Variants in CAMK2B observed in about 807,000 individuals in gnomAD.
CAMK2B encodes the protein calcium/calmodulin-dependent protein kinase type II subunit beta.
In CAMK2B, 27 loss-of-function variants were observed where a neutral mutation model predicts 93.7. The observed-to-expected ratio is 0.29, with a 90% CI of 0.21 to 0.40. The LOEUF (loss-of-function observed/expected upper bound fraction) is 0.40. Among genes scored for constraint, CAMK2B ranks in the 10% least tolerant of loss-of-function variants. The pLI, the probability that CAMK2B is intolerant of heterozygous loss-of-function variation, is 1.00. For synonymous variants in CAMK2B, 374 were observed against 358.8 expected (o/e 1.04, Z -0.48); for missense variants, 568 against 895.8 (o/e 0.63, Z 4.67).
At chr7:44,293,066 G>A (rs868183145) in intron 1 of CAMK2B, among the ~76,000 whole-genome samples, 1 of 152,076 alleles carries the variant, frequency 6.6e-6, no homozygotes, top group Non-Finnish European at 1.5e-5. Context: ...GCCCCCTTTG[G>A]TCTCCTGGGG....
At chr7:44,283,186 C>G (rs1784177286) in intron 2 of CAMK2B, among the ~76,000 whole-genome samples, 1 of 152,266 alleles carries the variant, frequency 6.6e-6, no homozygotes, top group African/African-American at 2.4e-5. Flanking sequence ...CTCCTCAGAT[C>G]TGTGCTCCAA....
rs182506647 is a variant in CAMK2B at position 44,322,038 on chromosome 7, C to T, written c.65+3319G>A. Among the ~76,000 whole-genome samples, 427 of 152,336 alleles carry T rather than the reference C, an allele frequency of 2.8e-3. 3 individuals are homozygous for T. The highest frequency in any genetic ancestry group is 3.4e-3 in the Middle Eastern group (1 of 294). On this transcript the variant is annotated intron_variant, in intron 1 of 23. Coordinates refer to ENST00000395749, the MANE Select transcript of CAMK2B (RefSeq NM_001220.5). Reference sequence around the variant, plus strand: ...CCCCAGACGCATTCAGGGCCCGGGCCGTGACGGTGCTGGCCACAGTGTGCT... The same window carrying T: ...CCCCAGACGCATTCAGGGCCCGGGCTGTGACGGTGCTGGCCACAGTGTGCT...
intron 1 of CAMK2B, among the ~76,000 whole-genome samples, chr7:44,306,828 T>C (rs923617750): frequency 1.5e-4 from 15 of 98,304 alleles, no homozygotes; most frequent in Non-Finnish European, 2.8e-4. Flanking sequence ...GGTAGGAGAG[T>C]GTGAGTAGAA....
intron 6 of CAMK2B, among the ~76,000 whole-genome samples, chr7:44,244,030 G>T (rs951546812): frequency 2.0e-5 from 3 of 152,174 alleles, no homozygotes; most frequent in African/African-American, 7.2e-5. Flanking sequence ...TGCTTGAGGG[G>T]AAGTTCAGGT....
chr7:44,287,984 G>C (rs1785600048), intron 1 of CAMK2B, among the ~76,000 whole-genome samples: 1 of 152,240 alleles, frequency 6.6e-6, no homozygotes, highest in South Asian at 2.1e-4. Flanking sequence ...ATAGGAGCCA[G>C]AACTGACCTA....
At chr7:44,235,937 G>A (rs972450241) in intron 13 of CAMK2B, among the ~76,000 whole-genome samples, 20 of 152,220 alleles carry the variant, frequency 1.3e-4, no homozygotes, top group African/African-American at 4.3e-4. Context: ...AGACAGGCAC[G>A]TTTCAACCTA....
chr7:44,276,321 G>A (rs930543834), intron 2 of CAMK2B, among the ~76,000 whole-genome samples: 4 of 152,162 alleles, frequency 2.6e-5, no homozygotes, highest in African/African-American at 9.7e-5. Flanking sequence ...TGCCGACCAG[G>A]CACTCATTAT....
chr7:44,252,549 G>A (rs1289463955), intron 5 of CAMK2B, among the ~76,000 whole-genome samples: 1 of 144,454 alleles, frequency 6.9e-6, no homozygotes, highest in Non-Finnish European at 1.5e-5. Flanking sequence ...GTGGGGGTGG[G>A]GGAGGGTGGG....
At position 44,236,206 on chromosome 7, in the gene CAMK2B, C is replaced by G. The variant is rs564968746; in HGVS notation, c.1022-1530G>C. Among the ~76,000 whole-genome samples the G allele has an allele frequency of 3.3e-5, 5 of 152,356 alleles. No homozygotes were observed. In the East Asian group the frequency reaches 5.8e-4, roughly 18 times the overall value. On this transcript the variant is annotated intron_variant, in intron 13 of 23. Transcript: ENST00000395749. ...TGGGCCTGCTGCCTGCTGACCACCC[C>G]CTCCCTGTCCAAATGCCCAGTGCTG...
intron 1 of CAMK2B, among the ~76,000 whole-genome samples, chr7:44,301,098 A>C (rs79571084): frequency 0.067 from 10,188 of 152,236 alleles, 522 homozygotes; most frequent in African/African-American, 0.14. Flanking sequence ...ACTTATCAAA[A>C]TTTATGGAAT....
At chr7:44,315,366 TA>T (rs1447486293) in intron 1 of CAMK2B, among the ~76,000 whole-genome samples, 1 of 152,216 alleles carries the variant, frequency 6.6e-6, no homozygotes, top group East Asian at 1.9e-4. Context: ...GGCACCCTTG[TA>T]AAAAATCAAC....
chr7:44,220,677 C>T lies in CAMK2B; in HGVS notation c.1707G>A (p.Glu569=), dbSNP rs2096389264. 6.2e-7 allele frequency: 1 copy of T among 1,613,690 alleles called. No homozygotes were observed. The highest frequency in any genetic ancestry group is 8.5e-7 in the Non-Finnish European group (1 of 1,179,920). The change falls in exon 22 of 24, where the codon GAG becomes GAA. Residue 569 remains glutamate, a synonymous_variant. Transcript: ENST00000395749. ...CAACCAGGTTGCCCAGTGCTTCAGG[C>T]TCAAACGAGGTCAGCCCTGGGTCAC... ...KICDPGLTSF[E]PEALGNLVEG...
chr7:44,243,140 T>A (rs2096697854), intron 8 of CAMK2B, 110 bp downstream of exon 8: 2 of 821,532 alleles, frequency 2.4e-6, no homozygotes, highest in Non-Finnish European at 4.0e-6. Context: ...CTGACACAGA[T>A]AAACCCAGAT....
intron 2 of CAMK2B, among the ~76,000 whole-genome samples, chr7:44,266,514 C>T (rs2096922733): frequency 6.6e-6 from 1 of 152,244 alleles, no homozygotes; most frequent in Admixed American, 6.5e-5. Flanking sequence ...TTCCCTGCCC[C>T]AGACAGTGGA....
chr7:44,247,327 C>T, intron 5 of CAMK2B, 135 bp from the exon 6 acceptor site: 2 of 748,666 alleles, frequency 2.7e-6, no homozygotes, highest in Non-Finnish European at 4.7e-6. Flanking sequence ...AGAGGAGATG[C>T]TGGCCAGGAG....
chr7:44,233,654 A>T (rs988296520), intron 15 of CAMK2B, among the ~76,000 whole-genome samples: 2 of 152,156 alleles, frequency 1.3e-5, no homozygotes, highest in African/African-American at 4.8e-5. Flanking sequence ...ACCAGCCACA[A>T]CTTTACATCC....
Position 44,312,673 on chromosome 7 carries a change from A to G in CAMK2B, c.65+12684T>C, listed in dbSNP as rs1291404237. Among the ~76,000 whole-genome samples the G allele has an allele frequency of 6.6e-6, 1 of 152,128 alleles. No individual in the cohort carries two copies. The highest frequency in any genetic ancestry group is 6.5e-5 in the Admixed American group (1 of 15,276). On this transcript the variant is annotated intron_variant, in intron 1 of 23. Transcript: ENST00000395749. The surrounding 1 kb of genome is among the most constrained non-coding windows in gnomAD (Gnocchi z 4.1). ...GAAGTGAGAAAAAGAGAGGGAGAGA[A>G]ACAGAGAGACAGAGGAGACAGAGAA...
At chr7:44,252,798 T>C (rs1271047926) in intron 5 of CAMK2B, among the ~76,000 whole-genome samples, 1 of 152,100 alleles carries the variant, frequency 6.6e-6, no homozygotes, top group Non-Finnish European at 1.5e-5. Flanking sequence ...CCCCAGAAGC[T>C]CAGAGCAGGG....
At chr7:44,281,300 C>T (rs1379077549) in intron 2 of CAMK2B, among the ~76,000 whole-genome samples, 1 of 152,222 alleles carries the variant, frequency 6.6e-6, no homozygotes, top group Non-Finnish European at 1.5e-5. Context: ...TGTGGGTCTT[C>T]ATCCATGATG....
Sources: gnomAD v4.1 joint callset for allele counts (sites outside exome capture counted in the v4.1 genomes callset) on GRCh38, gnomAD v4.1.1 for gene constraint, Gnocchi (gnomAD v3.1) non-coding constraint, MANE v1.5 for transcripts, NCBI Gene and HGNC (gene_info 2026-07-23, HGNC 2026-07-21) for gene names.